The following CCDC80 variants were observed in gnomAD, a reference collection of about 807,000 sequenced individuals.
CCDC80 encodes the protein coiled-coil domain-containing protein 80.
Under a neutral mutation model 78.7 loss-of-function variants are expected in CCDC80, and 49 were observed. The observed-to-expected ratio is 0.62, with a 90% confidence interval of 0.50 to 0.79. CCDC80 has a LOEUF of 0.79. Ranked by LOEUF, CCDC80 falls within the 30% of genes least tolerant of loss-of-function variation. CCDC80 has a pLI of 0.00. For synonymous variants in CCDC80, 488 were observed against 447.0 expected (o/e 1.09, Z -1.16); for missense variants, 1,205 against 1,198.6 (o/e 1.01, Z -0.08).
intron 2 of CCDC80, among the ~76,000 whole-genome samples, chr3:112,633,553 C>G (rs1277498988): frequency 6.6e-6 from 1 of 152,190 alleles, no homozygotes; most frequent in Non-Finnish European, 1.5e-5. Context: ...CTGGCCAACA[C>G]TCCTCCGGTT....
rs1935377909 is a variant in CCDC80 at position 112,601,689 on chromosome 3, AAAAAAAAG to A, written c.*3720_*3727del. On this transcript the variant is annotated 3_prime_UTR_variant, in exon 8 of 8. Coordinates refer to ENST00000206423, the MANE Select transcript of CCDC80 (RefSeq NM_199511.3). ...GTGAGACCCTCTCCAAAAAAAGAAAAAAAAAAAGAGAAAAAAAAGAAGCAGCAGCAACG... is the reference window on the plus strand; with the variant it reads ...GTGAGACCCTCTCCAAAAAAAGAAAAAGAAAAAAAAGAAGCAGCAGCAACG... 2 of 54,872 alleles carry A rather than the reference AAAAAAAAG, an allele frequency of 3.6e-5. No homozygotes were observed. The highest frequency in any genetic ancestry group is 7.3e-5 in the Non-Finnish European group (2 of 27,380). 3.4% of individuals were successfully genotyped at this position (54,872 alleles called of 1,614,324 possible).
chr3:112,630,822 C>T (rs897423508), intron 2 of CCDC80, among the ~76,000 whole-genome samples: 6 of 152,112 alleles, frequency 3.9e-5, no homozygotes, highest in East Asian at 3.9e-4. Flanking sequence ...TTTAGGCCTA[C>T]GTTTTGTCAC....
chr3:112,608,481 C>G (rs988801657), intron 6 of CCDC80, among the ~76,000 whole-genome samples: 1 of 152,134 alleles, frequency 6.6e-6, no homozygotes, highest in African/African-American at 2.4e-5. Context: ...GTGAACATGA[C>G]TTGTTCGCAT....
rs1409651411 is a variant in CCDC80 at position 112,630,133 on chromosome 3, T to C, written c.2015A>G (p.Lys672Arg). The change falls in exon 3 of 8, where the codon AAA becomes AGA. Residue 672 changes from lysine (K) to arginine (R), a missense_variant. Transcript: ENST00000206423. ...IFGPVNNSTM[K>R]IDHFQLDNEK... is the part of the protein sequence containing the mutation. ...AGAACCTAGCTGAAAGTGGTCGATT[T>C]TCATGGTGCTGTTGTTGACAGGGCC... The C allele has an allele frequency of 6.2e-7, 1 of 1,613,832 alleles. No homozygotes were observed. Among genetic ancestry groups the C allele is most frequent in the South Asian group, 1.1e-5 (1 of 91,070 alleles).
intron 4 of CCDC80, 126 bp downstream of exon 4, chr3:112,618,842 C>G (rs2107480464): frequency 3.7e-6 from 4 of 1,067,180 alleles, no homozygotes; most frequent in Non-Finnish European, 5.2e-6. Context: ...TTTGGCCCAT[C>G]TCAAAACTTT....
In CCDC80 at chr3:112,601,046, A is replaced by C. The variant is rs1284166369; in HGVS notation, c.*4371T>G. The C allele has an allele frequency of 1.3e-5, 2 of 152,222 alleles. No homozygotes were observed. The highest frequency in any genetic ancestry group is 2.9e-5 in the Non-Finnish European group (2 of 68,040). The allele number at this position is 152,222 out of a possible 1,614,324, so 9.4% of individuals were successfully genotyped here. A position where few individuals can be genotyped will look rare whatever the true frequency, so the allele number is the denominator to read the frequency against. On this transcript the variant is annotated 3_prime_UTR_variant, in exon 8 of 8. Coordinates refer to ENST00000206423, the MANE Select transcript of CCDC80 (RefSeq NM_199511.3). ...GGAGGAAAGTGCTCCATCAAGGAAG[A>C]GGGATGAGATGGGAGCATAATTCAC...
At chr3:112,632,839 G>A (rs1016927377) in intron 2 of CCDC80, among the ~76,000 whole-genome samples, 4 of 152,114 alleles carry the variant, frequency 2.6e-5, no homozygotes, top group African/African-American at 7.2e-5. Context: ...GGCCCTCCAC[G>A]TTCTGGCCCC....
chr3:112,635,489 C>T (rs1008992434), intron 2 of CCDC80, among the ~76,000 whole-genome samples: 7 of 152,220 alleles, frequency 4.6e-5, no homozygotes, highest in African/African-American at 1.7e-4. Flanking sequence ...AAAGGCTAAA[C>T]AGCACCAACA....
intron 2 of CCDC80, among the ~76,000 whole-genome samples, chr3:112,634,484 A>C (rs1388443): frequency 0.41 from 62,016 of 151,990 alleles, 15,276 homozygotes; most frequent in Non-Finnish European, 0.54. Context: ...CACTATCGTC[A>C]ACCTCAAACT....
intron 3 of CCDC80, among the ~76,000 whole-genome samples, chr3:112,628,961 G>A (rs1473008343): frequency 6.6e-6 from 1 of 152,070 alleles, no homozygotes; most frequent in African/African-American, 2.4e-5. Context: ...ACTTAAAAAT[G>A]TATTAAGAGG....
At position 112,597,380 on chromosome 3, in the gene CCDC80, T is replaced by G. The variant is rs1188699767; in HGVS notation, c.*8037A>C. On this transcript the variant is annotated 3_prime_UTR_variant, in exon 8 of 8. Transcript: ENST00000206423. ...CATGGGCAGTAGACTATAAGTGTGTTAATTATTTTTCCTACTGCAGAGCTT... is the reference window on the plus strand; with the variant it reads ...CATGGGCAGTAGACTATAAGTGTGTGAATTATTTTTCCTACTGCAGAGCTT... 2 of 152,318 alleles carry G rather than the reference T, an allele frequency of 1.3e-5. No individual in the cohort carries two copies. The highest frequency in any genetic ancestry group is 1.9e-4 in the East Asian group (1 of 5,194). The allele number at this position is 152,318 out of a possible 1,614,324, so 9.4% of individuals were successfully genotyped here.
At chr3:112,621,430 C>T (rs1935866628) in intron 3 of CCDC80, among the ~76,000 whole-genome samples, 1 of 152,168 alleles carries the variant, frequency 6.6e-6, no homozygotes. Context: ...TCAGCAGAAC[C>T]TCCTACCCAA....
chr3:112,614,580 G>A (rs186797831), intron 5 of CCDC80, among the ~76,000 whole-genome samples: 14 of 151,346 alleles, frequency 9.3e-5, no homozygotes, highest in Non-Finnish European at 1.8e-4. Flanking sequence ...CTGCCCCTAC[G>A]GCTGAGTTGA....
intron 3 of CCDC80, among the ~76,000 whole-genome samples, chr3:112,629,698 A>G (rs1936056160): frequency 6.6e-6 from 1 of 152,182 alleles, no homozygotes; most frequent in Non-Finnish European, 1.5e-5. Context: ...AGAGTCAAGT[A>G]CTTCCGAGAG....
chr3:112,606,449 G>A (rs959652232), intron 7 of CCDC80, among the ~76,000 whole-genome samples: 1 of 150,472 alleles, frequency 6.6e-6, no homozygotes, highest in Non-Finnish European at 1.5e-5. Context: ...TTTTTGAGAT[G>A]GAGTCTTGCT....
intron 2 of CCDC80, among the ~76,000 whole-genome samples, chr3:112,631,833 A>G (rs1936105406): frequency 1.3e-5 from 2 of 152,346 alleles, no homozygotes; most frequent in South Asian, 4.1e-4. Context: ...AACGTGTTCA[A>G]TAGCCTTTGA....
chr3:112,623,000 A>T (rs1935898659), intron 3 of CCDC80, among the ~76,000 whole-genome samples: 1 of 151,998 alleles, frequency 6.6e-6, no homozygotes, highest in Non-Finnish European at 1.5e-5. Flanking sequence ...TTTAGGAAAC[A>T]TTCTCTAAAC....
chr3:112,630,257 G>A lies in CCDC80; in HGVS notation c.1891C>T (p.Pro631Ser), dbSNP rs139735741. The change falls in exon 3 of 8, where the codon CCC becomes TCC. Residue 631 changes from proline to serine, a missense_variant. Physicochemically the swap from Pro to Ser is moderately conservative, Grantham distance 74. Coordinates refer to ENST00000206423, the MANE Select transcript of CCDC80 (RefSeq NM_199511.3). The stretch of plus-strand genomic sequence containing the variant: ...ACATACATATTGTTCTCAGCCTTGG[G>A]AGCAGTGATCAGCTGGAGGTGGGTG... ...GKRRLLLITA[P>S]KAENNMYVQQ... 3.7e-5 allele frequency: 59 copies of A among 1,613,738 alleles called. No homozygotes were observed. The highest frequency in any genetic ancestry group is 5.0e-5 in the Non-Finnish European group (59 of 1,179,754).
Position 112,639,596 on chromosome 3 carries a change from G to C in CCDC80, c.310C>G (p.Pro104Ala), listed in dbSNP as rs781700651. Residue 104 changes from proline to alanine, a missense_variant, in exon 2 of 8, where the codon CCT (proline) becomes GCT (alanine). By Grantham distance (27) the Pro-to-Ala change is conservative. Coordinates refer to ENST00000206423, the MANE Select transcript of CCDC80 (RefSeq NM_199511.3). ...CCCCTGGCTGCTGGTCTTTGCTCAG[G>C]TCTCACGGCGGCCCCATTGATGTCC... ...RSDINGAAVR[P>A]EQRPAARGSP... is the part of the protein sequence containing the mutation. 3 of 1,614,042 alleles carry C rather than the reference G, an allele frequency of 1.9e-6. No homozygotes were observed.
Sources: allele counts gnomAD v4.1 joint callset (sites outside exome capture counted in the v4.1 genomes callset), GRCh38; gene constraint gnomAD v4.1.1; transcripts MANE v1.5; gene names NCBI Gene and HGNC (gene_info 2026-07-23, HGNC 2026-07-21).